The following MITF variants were observed in gnomAD, a reference collection of about 807,000 sequenced individuals.
MITF encodes melanocyte inducing transcription factor.
In MITF, 17 loss-of-function variants were observed where a neutral mutation model predicts 60.5. The observed-to-expected ratio is 0.28, with a 90% CI of 0.19 to 0.42. MITF has a LOEUF of 0.42. Ranked by LOEUF, MITF falls within the 10% of genes least tolerant of loss-of-function variation. The pLI is 1.00. For missense variants in MITF, 622 were observed against 683.5 expected (o/e 0.91, Z 1.00); for synonymous variants, 260 against 248.5 (o/e 1.05, Z -0.43).
chr3:69,837,534 A>T (rs1409969873), intron 1 of MITF, among the ~76,000 whole-genome samples: 2 of 152,202 alleles, frequency 1.3e-5, no homozygotes, highest in Non-Finnish European at 2.9e-5. Flanking sequence ...GTGTGTATTT[A>T]AAAAATTTCC....
chr3:69,879,417 A>G (rs766673010), intron 2 of MITF, 34 bp downstream of exon 2: 1 of 1,613,642 alleles, frequency 6.2e-7, no homozygotes, highest in Non-Finnish European at 8.5e-7. Context: ...GTTGGACCAA[A>G]CTCTCTTCCA....
At chr3:69,849,122 G>A (rs9310174) in intron 1 of MITF, among the ~76,000 whole-genome samples, 3,196 of 151,000 alleles carry the variant, frequency 0.021, 108 homozygotes, top group African/African-American at 0.073. Flanking sequence ...CCGCCACTAC[G>A]CCCGGCTAAT....
At chr3:69,798,225 G>A (rs1207130519) in intron 1 of MITF, among the ~76,000 whole-genome samples, 1 of 152,214 alleles carries the variant, frequency 6.6e-6, no homozygotes, top group Non-Finnish European at 1.5e-5. Flanking sequence ...TGGCTCTATA[G>A]TAGCTGATGT....
intron 1 of MITF, among the ~76,000 whole-genome samples, chr3:69,764,192 G>T (rs2062255068): frequency 6.6e-6 from 1 of 152,110 alleles, no homozygotes; most frequent in South Asian, 2.1e-4. Context: ...GTTATTTTTG[G>T]CAGTGTTGGT....
chr3:69,852,732 C>T lies in MITF; in HGVS notation c.105-26402C>T, dbSNP rs192913439. Among the ~76,000 whole-genome samples the T allele has an allele frequency of 5.3e-5, 8 of 152,282 alleles. 1 individual carries two copies. The highest frequency in any genetic ancestry group is 1.9e-4 in the African/African-American group (8 of 41,562). On this transcript the variant is annotated intron_variant, in intron 1 of 9. Transcript: ENST00000352241. ...CATGTTCAGCTTTTGGTAGATACTG[C>T]AAACCATTTTCCAAAAGTCTTTCTG...
chr3:69,911,384 C>T (rs974318063), intron 2 of MITF, among the ~76,000 whole-genome samples: 1 of 152,134 alleles, frequency 6.6e-6, no homozygotes, highest in South Asian at 2.1e-4. Flanking sequence ...GCACACTGTG[C>T]CTCAGACTCT....
At chr3:69,772,988 C>T (rs992374989) in intron 1 of MITF, among the ~76,000 whole-genome samples, 1 of 152,048 alleles carries the variant, frequency 6.6e-6, no homozygotes, top group African/African-American at 2.4e-5. Context: ...ATGCTAAATG[C>T]TGGTAAGTGT....
intron 1 of MITF, among the ~76,000 whole-genome samples, chr3:69,833,194 GT>G (rs2063480412): frequency 6.6e-6 from 1 of 151,120 alleles, no homozygotes; most frequent in African/African-American, 2.4e-5. Context: ...ATATGTGATT[GT>G]TTTTCTGTTT....
intron 1 of MITF, among the ~76,000 whole-genome samples, chr3:69,792,158 G>A (rs2062750877): frequency 1.3e-5 from 2 of 152,200 alleles, no homozygotes; most frequent in Non-Finnish European, 1.5e-5. Context: ...TCAAAGATGA[G>A]TAGTGGATCA....
intron 1 of MITF, 92 bp downstream of exon 1, chr3:69,739,793 C>A (rs1339769282): frequency 3.1e-6 from 3 of 960,244 alleles, no homozygotes; most frequent in Non-Finnish European, 4.9e-6. Flanking sequence ...CGCGGGAGCT[C>A]TGGGACAAGG....
chr3:69,908,346 C>A (rs530814709), intron 2 of MITF, among the ~76,000 whole-genome samples: 32 of 151,644 alleles, frequency 2.1e-4, no homozygotes, highest in Admixed American at 8.5e-4. Flanking sequence ...AAAGACAAAG[C>A]AAAAACAATA....
chr3:69,930,979 A>G (rs944452268), intron 2 of MITF, among the ~76,000 whole-genome samples: 3 of 152,264 alleles, frequency 2.0e-5, no homozygotes, highest in Non-Finnish European at 1.5e-5. Context: ...TCTGTATTCA[A>G]TCAGAAAGCT....
At chr3:69,838,145 A>AAT (rs1421279946) in intron 1 of MITF, among the ~76,000 whole-genome samples, 1 of 152,196 alleles carries the variant, frequency 6.6e-6, no homozygotes, top group African/African-American at 2.4e-5. Flanking sequence ...ATTGAATAGA[A>AAT]ATGTTCTTGT....
intron 2 of MITF, among the ~76,000 whole-genome samples, chr3:69,904,261 A>G (rs137990429): frequency 6.6e-6 from 1 of 152,290 alleles, no homozygotes; most frequent in East Asian, 1.9e-4. Flanking sequence ...CAAAACATAA[A>G]TGATAGTTTA....
chr3:69,765,104 C>A (rs1344831089), intron 1 of MITF, among the ~76,000 whole-genome samples: 12 of 152,268 alleles, frequency 7.9e-5, no homozygotes. Flanking sequence ...CCCGTGGAAA[C>A]AGAAATAGAA....
chr3:69,806,655 G>GT (rs1372654647), intron 1 of MITF, among the ~76,000 whole-genome samples: 1 of 152,132 alleles, frequency 6.6e-6, no homozygotes, highest in Non-Finnish European at 1.5e-5. Context: ...TTTAGGTTGG[G>GT]TTTGCAGCAA....
intron 1 of MITF, among the ~76,000 whole-genome samples, chr3:69,817,512 T>G (rs909559897): frequency 6.6e-6 from 1 of 152,032 alleles, no homozygotes; most frequent in Non-Finnish European, 1.5e-5. Flanking sequence ...TGGATGTGTG[T>G]GTGGTGTGTG....
intron 1 of MITF, among the ~76,000 whole-genome samples, chr3:69,747,923 A>T (rs1703791626): frequency 6.6e-6 from 1 of 152,226 alleles, no homozygotes; most frequent in African/African-American, 2.4e-5. Flanking sequence ...AGGATTAAAA[A>T]GGAAAGCCTG....
intron 1 of MITF, among the ~76,000 whole-genome samples, chr3:69,796,611 A>G (rs988064050): frequency 2.1e-5 from 3 of 144,220 alleles, no homozygotes; most frequent in Non-Finnish European, 4.5e-5. Context: ...GGTTCACGCC[A>G]TTCTGCTGCC....
Sources: gnomAD v4.1 joint callset for allele counts (sites outside exome capture counted in the v4.1 genomes callset) on GRCh38, gnomAD v4.1.1 for gene constraint, MANE v1.5 for transcripts, NCBI Gene and HGNC (gene_info 2026-07-23, HGNC 2026-07-21) for gene names.